The following HSPG2 variants were observed in gnomAD, a reference collection of about 807,000 sequenced individuals.
HSPG2 encodes the protein heparan sulfate proteoglycan 2, also known as basement membrane-specific heparan sulfate proteoglycan core protein.
Under a neutral mutation model 526.6 loss-of-function variants are expected in HSPG2, and 278 were observed. The ratio of observed to expected loss-of-function variants is 0.53; its 90% CI spans 0.48 to 0.58. HSPG2 has a LOEUF of 0.58. Ranked by LOEUF, HSPG2 falls within the 20% of genes least tolerant of loss-of-function variation. The pLI is 0.00. For synonymous variants in HSPG2, 2,465 were observed against 2,555.4 expected (o/e 0.96, Z 1.07); for missense variants, 5,354 against 6,099.5 (o/e 0.88, Z 4.07).
In HSPG2 at chr1:21,828,789, C is replaced by T; in HGVS notation, c.12237+46G>A. The T allele has an allele frequency of 6.5e-7, 1 of 1,549,564 alleles. No individual in the cohort carries two copies. Among genetic ancestry groups the T allele is most frequent in the Non-Finnish European group, 8.7e-7 (1 of 1,146,784 alleles). On this transcript the variant is annotated intron_variant, in intron 88 of 96. Coordinates refer to ENST00000374695, the MANE Select transcript of HSPG2 (RefSeq NM_005529.7). This position sits in a 1 kb window ranked among gnomAD's most constrained non-coding sequence, Gnocchi z 6.0. ...TTGGAGAGCCGAGGGGGACACAAGG[C>T]TTGGCACCCCTCCCCTCCCGCTTGT...
chr1:21,927,603 ACCT>A (rs1424104388), intron 1 of HSPG2, among the ~76,000 whole-genome samples: 1 of 151,586 alleles, frequency 6.6e-6, no homozygotes, highest in African/African-American at 2.4e-5. Flanking sequence ...CCCTGGCCAC[ACCT>A]CCTGTTGCTC....
In HSPG2 at chr1:21,829,064, C is replaced by T. The variant is rs766861550; in HGVS notation, c.12008G>A (p.Arg4003Gln). The change falls in exon 88 of 97, where the codon CGG becomes CAG. Residue 4003 changes from arginine (R) to glutamine (Q), a missense_variant. Coordinates refer to ENST00000374695, the MANE Select transcript of HSPG2 (RefSeq NM_005529.7). ...YELGSGLAVLRSAEPLALGRW... is the reference protein window; with the variant it reads ...YELGSGLAVLQSAEPLALGRW... ...GCCCAGGGCCAGCGGCTCGGCGCTC[C>T]GCAGAACGGCCAGCCCTGGGGAGGA... The T allele has an allele frequency of 2.4e-5, 37 of 1,541,664 alleles. No individual in the cohort carries two copies. Among genetic ancestry groups the T allele is most frequent in the South Asian group, 1.5e-4 (13 of 83,940 alleles).
intron 17 of HSPG2, among the ~76,000 whole-genome samples, chr1:21,879,726 T>C (rs1326746343): frequency 6.6e-6 from 1 of 151,804 alleles, no homozygotes; most frequent in Non-Finnish European, 1.5e-5. Flanking sequence ...GGTCTTGGCC[T>C]ACTGTAACCT....
rs1223150452 is a variant in HSPG2, at chr1:21,879,032, G to A, written c.2433C>T (p.Cys811=). 1.9e-6 allele frequency: 3 copies of A among 1,614,080 alleles called. No homozygotes were observed. Among genetic ancestry groups the A allele is most frequent in the South Asian group, 2.2e-5 (2 of 91,090 alleles). ...CGATGTATGGGCAAGGGCAGGGCCGGCAGGAAGTGGCCGTGGCCTTCATGG... is the reference window on the plus strand; with the variant it reads ...CGATGTATGGGCAAGGGCAGGGCCGACAGGAAGTGGCCGTGGCCTTCATGG... ...GDAMKATATS[C]RPCPCPYIDA... Residue 811 remains cysteine, a synonymous_variant, in exon 18 of 97, where the codon TGC becomes TGT. Transcript: ENST00000374695.
At position 21,842,679 on chromosome 1, in the gene HSPG2, A is replaced by AGGCTGGTGTTTGCATGAGGTTT. The variant is rs2098053967; in HGVS notation, c.8910+69_8910+90dup. On this transcript the variant is annotated intron_variant, in intron 67 of 96. Transcript: ENST00000374695. ...ATTTTATCCCCTGGGGTCCCCAAGC[A>AGGCTGGTGTTTGCATGAGGTTT]GGCTGGTGTTTGCATGAGGTTTGGG... The AGGCTGGTGTTTGCATGAGGTTT allele has an allele frequency of 8.4e-6, 13 of 1,540,698 alleles. No individual in the cohort carries two copies. The Admixed American group carries it at 1.7e-4, about 20-fold the overall frequency.
At chr1:21,906,996 G>A (rs183412891) in intron 1 of HSPG2, among the ~76,000 whole-genome samples, 111 of 152,240 alleles carry the variant, frequency 7.3e-4, no homozygotes, top group African/African-American at 2.4e-3. Context: ...GCTGGCGGCC[G>A]GCTAGCTGGT....
rs1408104519 is a variant in HSPG2, at chr1:21,864,743, T to C, written c.4626+100A>G. ...TGCAGGGCCCAGATGCAGGGGTCAT[T>C]ATAGTTATGATGGTAATCAAGGCTG... On this transcript the variant is annotated intron_variant, in intron 36 of 96. Transcript: ENST00000374695. The surrounding 1 kb of genome is among the most constrained non-coding windows in gnomAD (Gnocchi z 4.8). 20 of 967,310 alleles carry C rather than the reference T, an allele frequency of 2.1e-5. No homozygotes were observed. The highest frequency in any genetic ancestry group is 3.2e-5 in the Non-Finnish European group (20 of 623,434). The allele number at this position is 967,310 out of a possible 1,614,324, so 59.9% of individuals were successfully genotyped here. A position where few individuals can be genotyped will look rare whatever the true frequency, so the allele number is the denominator to read the frequency against.
rs531783110 is a variant in HSPG2 at position 21,865,873 on chromosome 1, G to C, written c.4222-64C>G. The C allele has an allele frequency of 7.9e-7, 1 of 1,269,082 alleles. No individual in the cohort carries two copies. The highest frequency in any genetic ancestry group is 2.3e-5 in the East Asian group (1 of 43,262). The allele number at this position is 1,269,082 out of a possible 1,614,324, so 78.6% of individuals were successfully genotyped here. On this transcript the variant is annotated intron_variant, in intron 33 of 96. Transcript: ENST00000374695. This position sits in a 1 kb window ranked among gnomAD's most constrained non-coding sequence, Gnocchi z 5.4. The stretch of plus-strand genomic sequence containing the variant: ...GGGGTGTGAGTGTTGGACCATATAG[G>C]TGAGGGATGGAGCATCTGGCGGCCT...
intron 1 of HSPG2, among the ~76,000 whole-genome samples, chr1:21,912,853 G>A (rs1643745805): frequency 6.6e-6 from 1 of 152,048 alleles, no homozygotes; most frequent in African/African-American, 2.4e-5. Flanking sequence ...GGTGGCATGT[G>A]CCTATAATCT....
At chr1:21,870,223 C>T (rs939399216) in intron 33 of HSPG2, 24 of 985,836 alleles carry the variant, frequency 2.4e-5, no homozygotes, top group South Asian at 9.4e-5. Context: ...CTGTGATGCC[C>T]GCTGTGCCCA....
Position 21,844,207 on chromosome 1 carries a change from G to A in HSPG2, c.8557C>T (p.Gln2853Ter). The change falls in exon 65 of 97, where the codon CAG (glutamine) becomes TAG (stop). Residue 2853 changes from glutamine to a stop codon, truncating the protein, a stop_gained. Transcript: ENST00000374695. LOFTEE classifies it high-confidence loss of function. ...TLDLKCVVPG[Q>*]AHAQVTWHKR... ...TGCCACGTGACCTGGGCGTGGGCCTGCCCGGGCACCACGCACTTCAGATCC... is the reference window on the plus strand; with the variant it reads ...TGCCACGTGACCTGGGCGTGGGCCTACCCGGGCACCACGCACTTCAGATCC... 6.2e-7 allele frequency: 1 copy of A among 1,613,812 alleles called. No homozygotes were observed.
intron 1 of HSPG2, among the ~76,000 whole-genome samples, chr1:21,931,380 C>A (rs1192369341): frequency 6.6e-6 from 1 of 152,238 alleles, no homozygotes; most frequent in Non-Finnish European, 1.5e-5. Context: ...GGTGGCAGGG[C>A]CAAAGAGGCC....
Position 21,847,345 on chromosome 1 carries a change from C to G in HSPG2, c.8164+9G>C. 6.2e-7 allele frequency: 1 copy of G among 1,613,936 alleles called. No individual in the cohort carries two copies. Among genetic ancestry groups the G allele is most frequent in the Non-Finnish European group, 8.5e-7 (1 of 1,180,032 alleles). ...CTGCATCCCTCGTCCCTTTCCTAGG[C>G]AGACTCACCGGAGGGGCTGCCGGCG... On this transcript the variant is annotated intron_variant, in intron 62 of 96. Coordinates refer to ENST00000374695, the MANE Select transcript of HSPG2 (RefSeq NM_005529.7). The surrounding 1 kb of genome is among the most constrained non-coding windows in gnomAD (Gnocchi z 4.1).
chr1:21,887,147 G>GAAGGCGGGGCAGGAGTGT lies in HSPG2; in HGVS notation c.1078+67_1078+68insACACTCCTGCCCCGCCTT. Reference sequence around the variant, plus strand: ...GCAGGGTAGGGGCGGGGCAGGAGTGGAAGGCGGGGCAGGAGCAAGCGGCCT... The same window carrying GAAGGCGGGGCAGGAGTGT: ...GCAGGGTAGGGGCGGGGCAGGAGTGGAAGGCGGGGCAGGAGTGTAAGGCGGGGCAGGAGCAAGCGGCCT... On this transcript the variant is annotated intron_variant, in intron 9 of 96. Transcript: ENST00000374695. This position sits in a 1 kb window ranked among gnomAD's most constrained non-coding sequence, Gnocchi z 5.0. 1 of 1,584,162 alleles carries GAAGGCGGGGCAGGAGTGT rather than the reference G, an allele frequency of 6.3e-7. No individual in the cohort carries two copies. The highest frequency in any genetic ancestry group is 8.6e-7 in the Non-Finnish European group (1 of 1,159,634).
At position 21,849,012 on chromosome 1, in the gene HSPG2, C is replaced by T. The variant is rs369203034; in HGVS notation, c.7466G>A (p.Arg2489His). Residue 2489 changes from arginine (R) to histidine (H), a missense_variant, in exon 58 of 97, where the codon CGC becomes CAC. Physicochemically the swap from Arg to His is conservative, Grantham distance 29. Coordinates refer to ENST00000374695, the MANE Select transcript of HSPG2 (RefSeq NM_005529.7). ...ATCAGCTGGGGTCACCTGGAGCAGGCGTAGCCTCGAGCCATGCACCTGGGA... is the reference window on the plus strand; with the variant it reads ...ATCAGCTGGGGTCACCTGGAGCAGGTGTAGCCTCGAGCCATGCACCTGGGA... ...ARHQVHGSRL[R>H]LLQVTPADSG... is the part of the protein sequence containing the mutation. The T allele has an allele frequency of 7.4e-6, 12 of 1,613,798 alleles. No homozygotes were observed. In the Admixed American group the frequency reaches 8.3e-5, roughly 11 times the overall value.
intron 17 of HSPG2, among the ~76,000 whole-genome samples, chr1:21,879,392 C>T (rs891780945): frequency 6.6e-6 from 1 of 152,244 alleles, no homozygotes; most frequent in African/African-American, 2.4e-5. Context: ...CAGTTCTGCT[C>T]TCCAGAGTCT....
chr1:21,885,944 C>T (rs893538942), intron 9 of HSPG2, among the ~76,000 whole-genome samples: 3 of 152,220 alleles, frequency 2.0e-5, no homozygotes, highest in South Asian at 2.1e-4. Flanking sequence ...GGAAGTGGCC[C>T]GGGACAAGGG....
rs775692885 is a variant in HSPG2 at position 21,884,540 on chromosome 1, C to T, written c.1642G>A (p.Asp548Asn). ...CCCGCCAACGCACCCTTGAAGTCAT[C>T]GGGTTGGTCAAAGCGCAGCCTGATC... ...DQIRLRFDQPDDFKGVNVTMP... is the reference protein window; with the variant it reads ...DQIRLRFDQPNDFKGVNVTMP... The change falls in exon 13 of 97, where the codon GAT becomes AAT. Residue 548 changes from aspartate (D) to asparagine (N), a missense_variant. Transcript: ENST00000374695. 9.3e-6 allele frequency: 15 copies of T among 1,611,094 alleles called. No individual in the cohort carries two copies. The highest frequency in any genetic ancestry group is 6.7e-5 in the African/African-American group (5 of 74,850).
chr1:21,896,128 G>T, intron 2 of HSPG2, 47 bp downstream of exon 2: 8 of 1,613,134 alleles, frequency 5.0e-6, no homozygotes, highest in Middle Eastern at 1.7e-4. Context: ...AAGAAGCACA[G>T]TCTCACCCCC....
Sources: gnomAD v4.1 joint callset for allele counts (sites outside exome capture counted in the v4.1 genomes callset) on GRCh38, gnomAD v4.1.1 for gene constraint, Gnocchi (gnomAD v3.1) non-coding constraint, MANE v1.5 for transcripts, NCBI Gene and HGNC (gene_info 2026-07-23, HGNC 2026-07-21) for gene names.